The following PRDM16 variants were observed in gnomAD, a reference collection of about 807,000 sequenced individuals.
The protein encoded by PRDM16 is histone-lysine N-methyltransferase PRDM16.
PRDM16 carries 23 observed loss-of-function variants against 110.6 expected under a neutral mutation model. That is an observed-to-expected ratio of 0.21 (90% CI 0.15 to 0.29). PRDM16 has a LOEUF of 0.29. PRDM16 is among the 10% of genes least tolerant of loss of function. The pLI is 1.00. For synonymous variants in PRDM16, 799 were observed against 781.8 expected (o/e 1.02, Z -0.37); for missense variants, 1,615 against 1,794.3 (o/e 0.90, Z 1.81).
chr1:3,226,549 AC>A (rs1203144967), intron 2 of PRDM16, among the ~76,000 whole-genome samples: 1 of 152,198 alleles, frequency 6.6e-6, no homozygotes, highest in East Asian at 1.9e-4. Context: ...AGGAAAAAAA[AC>A]CTTGCAATTA....
intron 3 of PRDM16, among the ~76,000 whole-genome samples, chr1:3,271,575 A>G (rs1213863323): frequency 6.6e-6 from 1 of 152,216 alleles, no homozygotes; most frequent in Non-Finnish European, 1.5e-5. Flanking sequence ...AACCTGTTCC[A>G]TGACCTGGAG....
At chr1:3,123,867 C>G (rs775797450) in intron 1 of PRDM16, among the ~76,000 whole-genome samples, 4 of 152,248 alleles carry the variant, frequency 2.6e-5, no homozygotes, top group Admixed American at 2.6e-4. Context: ...CAACTGGGGA[C>G]AAGACAGAGA....
chr1:3,336,458 CTG>C (rs755760298), intron 3 of PRDM16, among the ~76,000 whole-genome samples: 25 of 150,306 alleles, frequency 1.7e-4, no homozygotes, highest in African/African-American at 2.9e-4. Context: ...TGGAGTGAGC[CTG>C]TGTGTGTGCA....
chr1:3,392,710 TAAAG>T (rs1213923065), intron 4 of PRDM16, among the ~76,000 whole-genome samples: 7 of 152,236 alleles, frequency 4.6e-5, no homozygotes, highest in Admixed American at 4.6e-4. Flanking sequence ...TTCTGTGTCT[TAAAG>T]AATATTGCTG....
intron 1 of PRDM16, among the ~76,000 whole-genome samples, chr1:3,166,459 A>T (rs1643958167): frequency 6.6e-6 from 1 of 152,262 alleles, no homozygotes; most frequent in Non-Finnish European, 1.5e-5. Flanking sequence ...ACGTGCTGCC[A>T]GGTGACAAAC....
At chr1:3,131,868 C>T (rs1643342443) in intron 1 of PRDM16, among the ~76,000 whole-genome samples, 1 of 152,198 alleles carries the variant, frequency 6.6e-6, no homozygotes, top group Non-Finnish European at 1.5e-5. Context: ...CCACTGCCTT[C>T]CTCCTCCTCC....
chr1:3,298,417 C>A (rs536712105), intron 3 of PRDM16, among the ~76,000 whole-genome samples: 17 of 152,244 alleles, frequency 1.1e-4, no homozygotes, highest in Non-Finnish European at 2.4e-4. Flanking sequence ...TGACGGCCGA[C>A]ACCAGCCTGG....
rs534972637 is a variant in PRDM16 at position 3,177,923 on chromosome 1, G to A, written c.38-8202G>A. ...GTGGCCTTTGGGGAAGAGCTGCCTCGTGCTGGGTCCTGCCTCTTTCAGAGC... is the reference window on the plus strand; with the variant it reads ...GTGGCCTTTGGGGAAGAGCTGCCTCATGCTGGGTCCTGCCTCTTTCAGAGC... On this transcript the variant is annotated intron_variant, in intron 1 of 16. Coordinates refer to ENST00000270722, the MANE Select transcript of PRDM16 (RefSeq NM_022114.4). Among the ~76,000 whole-genome samples the A allele has an allele frequency of 4.1e-4, 63 of 152,314 alleles. 1 individual carries two copies. In the South Asian group the frequency reaches 0.013, roughly 31 times the overall value.
intron 1 of PRDM16, 101 bp from the exon 2 acceptor site, chr1:3,186,024 C>A (rs1569797812): frequency 9.8e-7 from 1 of 1,019,230 alleles, no homozygotes; most frequent in East Asian, 2.4e-5. Context: ...CCCCTGAGCA[C>A]CCTCGGTGCC....
At chr1:3,345,690 C>A (rs918256053) in intron 3 of PRDM16, among the ~76,000 whole-genome samples, 1 of 152,164 alleles carries the variant, frequency 6.6e-6, no homozygotes, top group African/African-American at 2.4e-5. Context: ...TCCAGGCCAC[C>A]CCTCGGGTCC....
intron 1 of PRDM16, among the ~76,000 whole-genome samples, chr1:3,070,956 C>A (rs1641742170): frequency 6.6e-6 from 1 of 152,252 alleles, no homozygotes; most frequent in Non-Finnish European, 1.5e-5. Context: ...GCGAACAAGA[C>A]CGGGCGTTTC....
intron 2 of PRDM16, among the ~76,000 whole-genome samples, chr1:3,221,379 C>T (rs563491878): frequency 2.6e-5 from 4 of 152,316 alleles, no homozygotes; most frequent in African/African-American, 4.8e-5. Flanking sequence ...GGATCATGTA[C>T]GTGGGACTTT....
At chr1:3,340,737 G>A (rs982483428) in intron 3 of PRDM16, among the ~76,000 whole-genome samples, 1 of 152,202 alleles carries the variant, frequency 6.6e-6, no homozygotes, top group East Asian at 1.9e-4. Context: ...CACTGGGGAC[G>A]TGTTTTGTAA....
At chr1:3,363,986 G>T (rs953655180) in intron 3 of PRDM16, among the ~76,000 whole-genome samples, 1 of 152,002 alleles carries the variant, frequency 6.6e-6, no homozygotes, top group Non-Finnish European at 1.5e-5. Context: ...GAGCCAGCCC[G>T]CTACGCACAC....
At chr1:3,205,407 A>G (rs1638732118) in intron 2 of PRDM16, among the ~76,000 whole-genome samples, 1 of 152,190 alleles carries the variant, frequency 6.6e-6, no homozygotes, top group Non-Finnish European at 1.5e-5. Flanking sequence ...GCTGCATAGG[A>G]AAGAAATGTA....
intron 4 of PRDM16, among the ~76,000 whole-genome samples, chr1:3,395,956 C>T (rs973651845): frequency 6.6e-6 from 1 of 152,218 alleles, no homozygotes; most frequent in East Asian, 1.9e-4. Flanking sequence ...GCACACAGTC[C>T]TGCCCGCCCC....
intron 1 of PRDM16, among the ~76,000 whole-genome samples, chr1:3,088,399 C>T (rs184417689): frequency 4.1e-4 from 62 of 152,244 alleles, no homozygotes; most frequent in African/African-American, 1.4e-3. Flanking sequence ...TAACAACCCC[C>T]CCAGCAGGCT....
intron 8 of PRDM16, among the ~76,000 whole-genome samples, chr1:3,410,439 G>T (rs1041258662): frequency 6.6e-6 from 1 of 152,136 alleles, no homozygotes; most frequent in African/African-American, 2.4e-5. Context: ...CTCAAGCAGG[G>T]AATAGTCCCT....
intron 3 of PRDM16, among the ~76,000 whole-genome samples, chr1:3,275,719 G>A (rs1312556308): frequency 6.6e-6 from 1 of 152,118 alleles, no homozygotes; most frequent in Non-Finnish European, 1.5e-5. Context: ...CCTTCCTCCT[G>A]GACTTTAGGT....
Sources: gnomAD v4.1 joint callset for allele counts (sites outside exome capture counted in the v4.1 genomes callset) on GRCh38, gnomAD v4.1.1 for gene constraint, MANE v1.5 for transcripts, NCBI Gene and HGNC (gene_info 2026-07-23, HGNC 2026-07-21) for gene names.